OPCML: variants seen among roughly 807,000 people sequenced by gnomAD.
The protein encoded by OPCML is opioid-binding protein/cell adhesion molecule.
A neutral mutation model predicts 37.8 loss-of-function variants in OPCML; 13 were observed. The observed-to-expected ratio is 0.34, with a 90% CI of 0.22 to 0.55. The LOEUF (loss-of-function observed/expected upper bound fraction) is 0.55, where lower values mean the gene tolerates loss of function less well. OPCML is among the 20% of genes least tolerant of loss of function. The pLI, the probability that OPCML is intolerant of heterozygous loss-of-function variation, is 0.91. For synonymous variants in OPCML, 176 were observed against 168.8 expected (o/e 1.04, Z -0.33); for missense variants, 341 against 435.6 (o/e 0.78, Z 1.93).
intron 3 of OPCML, among the ~76,000 whole-genome samples, chr11:132,645,376 C>T (rs60539069): frequency 0.016 from 2,474 of 152,312 alleles, 34 homozygotes; most frequent in African/African-American, 0.03. Context: ...CTAAGAATAA[C>T]TGACATTTTC....
intron 1 of OPCML, among the ~76,000 whole-genome samples, chr11:133,328,202 G>C (rs1943526158): frequency 6.8e-6 from 1 of 147,606 alleles, no homozygotes; most frequent in South Asian, 2.1e-4. Flanking sequence ...CTGTCACCCA[G>C]GCTGGAGTGC....
At chr11:133,413,866 A>T (rs1945703407) in intron 1 of OPCML, among the ~76,000 whole-genome samples, 1 of 152,228 alleles carries the variant, frequency 6.6e-6, no homozygotes, top group Admixed American at 6.5e-5. Flanking sequence ...GCCAGAGGAC[A>T]TGCTGCTGGA....
chr11:132,619,851 CAAAAAA>C (rs34927802), intron 3 of OPCML, among the ~76,000 whole-genome samples: 3 of 112,890 alleles, frequency 2.7e-5, no homozygotes, highest in African/African-American at 6.9e-5. Context: ...GACTCCATGT[CAAAAAA>C]AAAAAAAAAA....
chr11:132,852,509 T>C (rs901918277), intron 2 of OPCML, among the ~76,000 whole-genome samples: 1 of 151,920 alleles, frequency 6.6e-6, no homozygotes, highest in Non-Finnish European at 1.5e-5. Flanking sequence ...GCCAAGGCAA[T>C]AGTGGGTGGA....
intron 2 of OPCML, among the ~76,000 whole-genome samples, chr11:132,926,312 C>G (rs1944988640): frequency 6.6e-6 from 1 of 152,100 alleles, no homozygotes; most frequent in Non-Finnish European, 1.5e-5. Flanking sequence ...GTCCAGAAAC[C>G]AAAAGCAGCT....
At chr11:132,439,543 C>G (rs1214440811) in intron 4 of OPCML, among the ~76,000 whole-genome samples, 2 of 152,170 alleles carry the variant, frequency 1.3e-5, no homozygotes, top group Non-Finnish European at 2.9e-5. Context: ...CTTTATTTCT[C>G]TATAGGCTAA....
intron 1 of OPCML, among the ~76,000 whole-genome samples, chr11:133,124,440 C>A (rs1394540687): frequency 6.6e-6 from 1 of 152,128 alleles, no homozygotes; most frequent in African/African-American, 2.4e-5. Flanking sequence ...GATTCAGTGG[C>A]CCCTCCCCAG....
At chr11:133,352,399 A>G (rs1944161765) in intron 1 of OPCML, among the ~76,000 whole-genome samples, 1 of 152,184 alleles carries the variant, frequency 6.6e-6, no homozygotes, top group African/African-American at 2.4e-5. Flanking sequence ...ATCATGAAGT[A>G]GTTGTTTTCT....
chr11:133,222,823 C>T (rs758817526), intron 1 of OPCML, among the ~76,000 whole-genome samples: 4 of 151,820 alleles, frequency 2.6e-5, no homozygotes, highest in East Asian at 3.9e-4. Flanking sequence ...GGGGCCGAGC[C>T]GGGGACTAAG....
chr11:133,359,247 C>T (rs1236119762), intron 1 of OPCML, among the ~76,000 whole-genome samples: 1 of 152,168 alleles, frequency 6.6e-6, no homozygotes, highest in East Asian at 1.9e-4. Flanking sequence ...TCCTCATCTT[C>T]GTTTATTCTC....
At chr11:132,987,804 C>T (rs1946707290) in intron 1 of OPCML, among the ~76,000 whole-genome samples, 1 of 152,156 alleles carries the variant, frequency 6.6e-6, no homozygotes, top group Admixed American at 6.5e-5. Context: ...CCCAAGGCCT[C>T]CCTTCACCCT....
chr11:133,088,930 CATCT>C (rs1348349666), intron 1 of OPCML, among the ~76,000 whole-genome samples: 2 of 152,206 alleles, frequency 1.3e-5, no homozygotes, highest in African/African-American at 4.8e-5. Context: ...TGATATCAAT[CATCT>C]ATCAGAGCAA....
intron 1 of OPCML, among the ~76,000 whole-genome samples, chr11:133,183,714 T>C (rs1170066237): frequency 6.6e-6 from 1 of 152,196 alleles, no homozygotes; most frequent in Non-Finnish European, 1.5e-5. Context: ...GTACTCAAAA[T>C]GTATTTGGAG....
At chr11:133,165,783 C>T (rs865909514) in intron 1 of OPCML, among the ~76,000 whole-genome samples, 2 of 152,148 alleles carry the variant, frequency 1.3e-5, no homozygotes, top group Non-Finnish European at 2.9e-5. Context: ...ATTCTTGAAG[C>T]TCACTTCACG....
intron 1 of OPCML, among the ~76,000 whole-genome samples, chr11:133,010,557 T>C (rs1424510375): frequency 6.6e-6 from 1 of 152,232 alleles, no homozygotes; most frequent in East Asian, 1.9e-4. Context: ...CAAAAGTTTT[T>C]GATTAATGAA....
chr11:133,117,571 T>G (rs1592017704), intron 1 of OPCML, among the ~76,000 whole-genome samples: 1 of 152,196 alleles, frequency 6.6e-6, no homozygotes, highest in East Asian at 1.9e-4. Flanking sequence ...TTCGATGTTA[T>G]GCTCATATGA....
At chr11:133,145,143 G>T (rs1949880070) in intron 1 of OPCML, among the ~76,000 whole-genome samples, 1 of 152,118 alleles carries the variant, frequency 6.6e-6, no homozygotes, top group South Asian at 2.1e-4. Context: ...GATTCTTTGG[G>T]GGATAAAGAG....
intron 2 of OPCML, among the ~76,000 whole-genome samples, chr11:132,803,255 T>TC (rs1482532678): frequency 9.2e-5 from 14 of 152,280 alleles, no homozygotes; most frequent in African/African-American, 2.6e-4. Flanking sequence ...AGAAATACGC[T>TC]CCTTGAAGAA....
At chr11:132,440,559 C>G (rs1257166123) in intron 4 of OPCML, among the ~76,000 whole-genome samples, 1 of 152,106 alleles carries the variant, frequency 6.6e-6, no homozygotes, top group Non-Finnish European at 1.5e-5. Context: ...TACTAAGAGC[C>G]CCTCAGGCTG....
Sources: allele counts gnomAD v4.1 joint callset (sites outside exome capture counted in the v4.1 genomes callset), GRCh38; gene constraint gnomAD v4.1.1; transcripts MANE v1.5; gene names NCBI Gene and HGNC (gene_info 2026-07-23, HGNC 2026-07-21).